The following CNNM1 variants were observed in gnomAD, a reference collection of about 807,000 sequenced individuals.
CNNM1 encodes the protein cyclin and CBS domain divalent metal cation transport mediator 1, also known as metal transporter CNNM1.
CNNM1 carries 44 observed loss-of-function variants against 78.8 expected under a neutral mutation model. The observed-to-expected ratio is 0.56, with a 90% CI of 0.44 to 0.72. The LOEUF is 0.72. Among genes scored for constraint, CNNM1 ranks in the 30% least tolerant of loss-of-function variants. CNNM1 has a pLI of 0.00. For synonymous variants in CNNM1, 584 were observed against 581.5 expected, an observed-to-expected ratio of 1.00 and a Z score of -0.06; for missense variants, 1,101 against 1,292.2, an observed-to-expected ratio of 0.85 and a Z score of 2.27.
chr10:99,360,712 T>C (rs1365867320), intron 2 of CNNM1, 123 bp from the exon 3 acceptor site: 1 of 1,257,042 alleles, frequency 8.0e-7, no homozygotes, highest in Non-Finnish European at 1.1e-6. Flanking sequence ...CTGGGTGATA[T>C]TGTGATGTCA....
At position 99,388,712 on chromosome 10, in the gene CNNM1, A is replaced by C. The variant is rs2032381575; in HGVS notation, c.2674+411A>C. 2.0e-5 allele frequency among the ~76,000 whole-genome samples: 3 copies of C among 152,348 alleles called. No individual in the cohort carries two copies. In the South Asian group the frequency reaches 6.2e-4, roughly 32 times the overall value. On this transcript the variant is annotated intron_variant, in intron 9 of 10. Transcript: ENST00000356713. ...TTTGAGTATAAATGAGATAACATAC[A>C]TAAAAGGCATATTACAGTGTTCAGT...
At position 99,394,158 on chromosome 10, in the gene CNNM1, G is replaced by A. The variant is rs1250623228; in HGVS notation, c.*2642G>A. On this transcript the variant is annotated 3_prime_UTR_variant, in exon 11 of 11. Coordinates refer to ENST00000356713, the MANE Select transcript of CNNM1 (RefSeq NM_020348.3). The stretch of plus-strand genomic sequence containing the variant: ...GCTGTTGCATTACACCCATCCCTTT[G>A]CAAAATCCCTATGGAGCCTGTCACC... 6.6e-6 allele frequency: 1 copy of A among 152,056 alleles called. No individual in the cohort carries two copies. The highest frequency in any genetic ancestry group is 1.5e-5 in the Non-Finnish European group (1 of 67,986). 9.4% of individuals were successfully genotyped at this position (152,056 alleles called of 1,614,324 possible). A position where few individuals can be genotyped will look rare whatever the true frequency, so the allele number is the denominator to read the frequency against.
chr10:99,382,233 G>A (rs970000471), intron 7 of CNNM1, among the ~76,000 whole-genome samples: 1 of 152,204 alleles, frequency 6.6e-6, no homozygotes, highest in African/African-American at 2.4e-5. Context: ...AGTTATCTGG[G>A]AAAGGTGTTA....
chr10:99,360,814 C>G, intron 2 of CNNM1, 21 bp from the exon 3 acceptor site: 1 of 1,582,586 alleles, frequency 6.3e-7, no homozygotes, highest in Non-Finnish European at 8.6e-7. Context: ...TAGCTGTAAT[C>G]TGTCCTCTGT....
intron 1 of CNNM1, among the ~76,000 whole-genome samples, chr10:99,335,051 A>G (rs2030111181): frequency 1.3e-5 from 2 of 152,096 alleles, no homozygotes; most frequent in Admixed American, 6.5e-5. Context: ...TCCTTCCTCC[A>G]TCCTGGAATT....
At chr10:99,389,990 A>C (rs2032423927) in intron 9 of CNNM1, among the ~76,000 whole-genome samples, 1 of 152,216 alleles carries the variant, frequency 6.6e-6, no homozygotes, top group African/African-American at 2.4e-5. Flanking sequence ...GACTGGGTGG[A>C]GAACACATTG....
intron 1 of CNNM1, among the ~76,000 whole-genome samples, chr10:99,331,733 G>A (rs1295297721): frequency 6.6e-6 from 1 of 152,050 alleles, no homozygotes. Flanking sequence ...CCGGGGGGGA[G>A]GGAAGTACTC....
chr10:99,353,677 G>A (rs1055598505), intron 1 of CNNM1, among the ~76,000 whole-genome samples: 3 of 152,136 alleles, frequency 2.0e-5, no homozygotes, highest in Non-Finnish European at 2.9e-5. Context: ...GTGTCAACTC[G>A]GAATAAGGAT....
At chr10:99,340,007 G>A (rs2030368447) in intron 1 of CNNM1, among the ~76,000 whole-genome samples, 2 of 152,152 alleles carry the variant, frequency 1.3e-5, no homozygotes, top group Admixed American at 1.3e-4. Flanking sequence ...TGTGTTAAAT[G>A]TTGCTAAATA....
rs966028640 is a variant in CNNM1 at position 99,391,727 on chromosome 10, G to A, written c.*211G>A. 15 of 532,250 alleles carry A rather than the reference G, an allele frequency of 2.8e-5. No homozygotes were observed. The highest frequency in any genetic ancestry group is 4.4e-5 in the Non-Finnish European group (13 of 297,426). 33.0% of individuals were successfully genotyped at this position (532,250 alleles called of 1,614,324 possible). A position where few individuals can be genotyped will look rare whatever the true frequency, so the allele number is the denominator to read the frequency against. On this transcript the variant is annotated 3_prime_UTR_variant, in exon 11 of 11. Transcript: ENST00000356713. ...AACCTTGACATGGCCATAACAGAAG[G>A]AGGTGCCTCTGATAGAACATGCTAG...
At chr10:99,375,020 G>A (rs1339091179) in intron 6 of CNNM1, among the ~76,000 whole-genome samples, 1 of 152,134 alleles carries the variant, frequency 6.6e-6, no homozygotes, top group Admixed American at 6.6e-5. Flanking sequence ...AGTGACTGAG[G>A]AGCAGACAGC....
At chr10:99,352,329 C>A (rs970007230) in intron 1 of CNNM1, among the ~76,000 whole-genome samples, 2 of 152,188 alleles carry the variant, frequency 1.3e-5, no homozygotes, top group Non-Finnish European at 2.9e-5. Flanking sequence ...GGTTAATATC[C>A]AATTGTATTG....
At chr10:99,386,161 G>A (rs188045359) in intron 7 of CNNM1, among the ~76,000 whole-genome samples, 21 of 152,284 alleles carry the variant, frequency 1.4e-4, no homozygotes, top group South Asian at 1.0e-3. Flanking sequence ...GAAAAATATC[G>A]AAGCCAGTTG....
intron 7 of CNNM1, among the ~76,000 whole-genome samples, chr10:99,380,762 G>A (rs2032119742): frequency 6.7e-6 from 1 of 150,016 alleles, no homozygotes; most frequent in African/African-American, 2.5e-5. Context: ...CTGCACTCCA[G>A]CCTGGGTGAC....
rs749137838 is a variant in CNNM1 at position 99,388,138 on chromosome 10, A to AC, written c.2525-13dup. On this transcript the variant is annotated splice_polypyrimidine_tract_variant and intron_variant, in intron 8 of 10. Transcript: ENST00000356713. The stretch of plus-strand genomic sequence containing the variant: ...TCCAAAGCAGAGAGGTGATGCACTC[A>AC]CTGTCCTCCCCAGGCAGCCGCTCAG... 6.2e-7 allele frequency: 1 copy of AC among 1,613,200 alleles called. No homozygotes were observed. Among genetic ancestry groups the AC allele is most frequent in the African/African-American group, 1.3e-5 (1 of 74,840 alleles).
Position 99,390,333 on chromosome 10 carries a change from A to C in CNNM1, c.2702A>C (p.Asn901Thr), listed in dbSNP as rs1374752652. 6.2e-7 allele frequency: 1 copy of C among 1,613,094 alleles called. No individual in the cohort carries two copies. Among genetic ancestry groups the C allele is most frequent in the Non-Finnish European group, 8.5e-7 (1 of 1,179,584 alleles). Residue 901 changes from asparagine (N) to threonine (T), a missense_variant, in exon 10 of 11, where the codon AAC becomes ACC. Physicochemically the swap from Asn to Thr is moderately conservative, Grantham distance 65 (BLOSUM62 0). This residue lies in a region of CNNM1 where 348 missense variants were observed against 384.5 expected (regional missense o/e 0.90). Coordinates refer to ENST00000356713, the MANE Select transcript of CNNM1 (RefSeq NM_020348.3). The stretch of plus-strand genomic sequence containing the variant: ...TCAGATAGTGAATGTTGTAACATCA[A>C]CCTGGATACAGAGACCAGCCCCTGC... ...AASDSECCNINLDTETSPCSS... is the reference protein window; with the variant it reads ...AASDSECCNITLDTETSPCSS...
intron 1 of CNNM1, among the ~76,000 whole-genome samples, chr10:99,356,522 G>GAGAAAGAA (rs1379845702): frequency 7.9e-6 from 1 of 127,324 alleles, no homozygotes; most frequent in African/African-American, 3.1e-5. Context: ...AAGAGAAAGA[G>GAGAAAGAA]AGAAAGAAAG....
chr10:99,362,684 T>C (rs2031480478), intron 4 of CNNM1, among the ~76,000 whole-genome samples: 1 of 152,240 alleles, frequency 6.6e-6, no homozygotes, highest in Admixed American at 6.5e-5. Context: ...CTTCCAGAAC[T>C]GCTGCTCTGC....
At chr10:99,346,790 A>T (rs911997549) in intron 1 of CNNM1, among the ~76,000 whole-genome samples, 5 of 152,096 alleles carry the variant, frequency 3.3e-5, no homozygotes, top group African/African-American at 1.2e-4. Flanking sequence ...TTAATTTTTT[A>T]TAGAAATGGG....
Sources: allele counts gnomAD v4.1 joint callset (sites outside exome capture counted in the v4.1 genomes callset), GRCh38; gene constraint gnomAD v4.1.1; regional missense constraint gnomAD v4.1.1; transcripts MANE v1.5; gene names NCBI Gene and HGNC (gene_info 2026-07-23, HGNC 2026-07-21).